DNAJC10: variants seen among roughly 807,000 people sequenced by gnomAD.
The protein encoded by DNAJC10 is endoplasmic reticulum disulfide reductase DNAJC10.
Under a neutral mutation model 115.0 loss-of-function variants are expected in DNAJC10, and 101 were observed. The observed-to-expected ratio is 0.88, with a 90% CI of 0.75 to 1.04. The LOEUF is 1.04. Ranked by LOEUF, DNAJC10 falls within the 50% of genes least tolerant of loss-of-function variation. DNAJC10 has a pLI of 0.00. For synonymous variants in DNAJC10, 307 were observed against 301.5 expected, an observed-to-expected ratio of 1.02 and a Z score of -0.19; for missense variants, 981 against 928.8, an observed-to-expected ratio of 1.06 and a Z score of -0.73.
Position 182,786,328 on chromosome 2 carries a change from ATTAC to A in DNAJC10, c.*9199_*9202del, listed in dbSNP as rs1694945021. 6.6e-6 allele frequency: 1 copy of A among 152,146 alleles called. No homozygotes were observed. Among genetic ancestry groups the A allele is most frequent in the Admixed American group, 6.6e-5 (1 of 15,264 alleles). The allele number at this position is 152,146 out of a possible 1,614,324, so 9.4% of individuals were successfully genotyped here. On this transcript the variant is annotated 3_prime_UTR_variant, in exon 24 of 24. Transcript: ENST00000264065. ...AATGGGTAGAATTCATTTTCTTTTC[ATTAC>A]TTCCTTTCAGCGTGGAGCCTGAGCA...
At chr2:182,743,996 A>C (rs1447046169) in intron 14 of DNAJC10, among the ~76,000 whole-genome samples, 1 of 152,200 alleles carries the variant, frequency 6.6e-6, no homozygotes, top group Non-Finnish European at 1.5e-5. Flanking sequence ...AAAGTAAGCA[A>C]CACCTGCAGT....
Position 182,744,595 on chromosome 2 carries a change from G to T in DNAJC10, c.1306+883G>T, listed in dbSNP as rs573233493. ...ACCTCTAGGCTGGAGGAACTTTGGG[G>T]TAAGATAACCCTCACAGTAACTACT... is the stretch of plus-strand genomic sequence containing the variant. On this transcript the variant is annotated intron_variant, in intron 14 of 23. Transcript: ENST00000264065. Among the ~76,000 whole-genome samples the T allele has an allele frequency of 2.0e-5, 3 of 152,246 alleles. No homozygotes were observed. In the East Asian group the frequency reaches 5.8e-4, roughly 29 times the overall value.
Position 182,781,428 on chromosome 2 carries a change from G to T in DNAJC10, c.*4296G>T, listed in dbSNP as rs1019816488. The T allele has an allele frequency of 5.3e-5, 8 of 152,120 alleles. No individual in the cohort carries two copies. The highest frequency in any genetic ancestry group is 1.0e-4 in the Non-Finnish European group (7 of 68,024). The allele number at this position is 152,120 out of a possible 1,614,324, so 9.4% of individuals were successfully genotyped here. ...GAATAGTGCTCCAATAAACATACGT[G>T]TGCATGTGTCTTTATAGTAAAATTA... On this transcript the variant is annotated 3_prime_UTR_variant, in exon 24 of 24. Coordinates refer to ENST00000264065, the MANE Select transcript of DNAJC10 (RefSeq NM_018981.4).
chr2:182,731,849 A>G (rs138032753), intron 9 of DNAJC10, among the ~76,000 whole-genome samples: 603 of 152,262 alleles, frequency 4.0e-3, no homozygotes, highest in Admixed American at 7.2e-3. Context: ...GTCAGCCTTA[A>G]ACTTAACTAA....
chr2:182,719,451 C>T (rs1693088597), intron 3 of DNAJC10, among the ~76,000 whole-genome samples: 1 of 151,718 alleles, frequency 6.6e-6, no homozygotes, highest in African/African-American at 2.4e-5. Context: ...AACGGGGCTT[C>T]ACCATGTTGG....
intron 18 of DNAJC10, among the ~76,000 whole-genome samples, chr2:182,757,221 G>A (rs1449872560): frequency 6.6e-6 from 1 of 152,084 alleles, no homozygotes; most frequent in East Asian, 1.9e-4. Context: ...TTGTTTACAA[G>A]ATAAAACACT....
chr2:182,741,468 C>T (rs971504337), intron 13 of DNAJC10, 112 bp downstream of exon 13: 4 of 518,356 alleles, frequency 7.7e-6, no homozygotes, highest in Non-Finnish European at 1.3e-5. Context: ...TTATAAGAAG[C>T]CTATAAGTGC....
intron 22 of DNAJC10, among the ~76,000 whole-genome samples, chr2:182,766,423 C>A (rs540976994): frequency 1.3e-5 from 2 of 152,128 alleles, no homozygotes; most frequent in Non-Finnish European, 2.9e-5. Context: ...TAGTAATGCC[C>A]TTCACATGTG....
At position 182,778,914 on chromosome 2, in the gene DNAJC10, A is replaced by G. The variant is rs1290002562; in HGVS notation, c.*1782A>G. ...ACTAAAATATACTGGTTATGTGCAT[A>G]TCACCACACTGGACACTGAGGAGTG... On this transcript the variant is annotated 3_prime_UTR_variant, in exon 24 of 24. Coordinates refer to ENST00000264065, the MANE Select transcript of DNAJC10 (RefSeq NM_018981.4). 1.3e-5 allele frequency: 2 copies of G among 152,236 alleles called. No individual in the cohort carries two copies. The highest frequency in any genetic ancestry group is 2.9e-5 in the Non-Finnish European group (2 of 68,052). The allele number at this position is 152,236 out of a possible 1,614,324, so 9.4% of individuals were successfully genotyped here. A position where few individuals can be genotyped will look rare whatever the true frequency, so the allele number is the denominator to read the frequency against.
chr2:182,730,949 G>A, intron 8 of DNAJC10, 81 bp from the exon 9 acceptor site: 1 of 952,932 alleles, frequency 1.0e-6, no homozygotes, highest in Non-Finnish European at 1.6e-6. Context: ...GATTAGAAAG[G>A]AAAAATTACT....
At chr2:182,749,032 A>T (rs947045809) in intron 14 of DNAJC10, among the ~76,000 whole-genome samples, 1 of 151,728 alleles carries the variant, frequency 6.6e-6, no homozygotes, top group South Asian at 2.1e-4. Context: ...AGTTTGTTAT[A>T]ATTTCTATTC....
At position 182,756,474 on chromosome 2, in the gene DNAJC10, A is replaced by G. The variant is rs762710965; in HGVS notation, c.1809+5A>G. On this transcript the variant is annotated splice_donor_5th_base_variant and intron_variant, in intron 18 of 23. Coordinates refer to ENST00000264065, the MANE Select transcript of DNAJC10 (RefSeq NM_018981.4). The stretch of plus-strand genomic sequence containing the variant: ...GAATGGAAAAGAATGGCCCGGGTAT[A>G]GTAAAAATAGTTTATTTTAAATCTT... The G allele has an allele frequency of 2.5e-6, 4 of 1,599,056 alleles. No individual in the cohort carries two copies. The African/African-American group carries it at 5.4e-5, about 22-fold the overall frequency.
At chr2:182,776,996 C>T in intron 23 of DNAJC10, 125 bp from the exon 24 acceptor site, 4 of 545,348 alleles carry the variant, frequency 7.3e-6, no homozygotes, top group East Asian at 3.2e-5. Flanking sequence ...TGTCATGATC[C>T]ATTAAATAAG....
chr2:182,736,889 A>G (rs1693598931), intron 11 of DNAJC10, among the ~76,000 whole-genome samples: 1 of 152,090 alleles, frequency 6.6e-6, no homozygotes, highest in African/African-American at 2.4e-5. Flanking sequence ...ACCTGGGATT[A>G]CAGGCGCCTG....
chr2:182,734,337 C>G (rs1199857001), intron 10 of DNAJC10, among the ~76,000 whole-genome samples: 1 of 150,944 alleles, frequency 6.6e-6, no homozygotes, highest in Non-Finnish European at 1.5e-5. Flanking sequence ...ATTTTTATTT[C>G]TCTTTGAATC....
intron 14 of DNAJC10, among the ~76,000 whole-genome samples, chr2:182,747,102 G>T (rs962961699): frequency 1.3e-5 from 2 of 151,934 alleles, no homozygotes; most frequent in African/African-American, 4.8e-5. Context: ...CTCTGTTTTG[G>T]TACCAGTACC....
At position 182,782,026 on chromosome 2, in the gene DNAJC10, C is replaced by A. The variant is rs1226112943; in HGVS notation, c.*4894C>A. ...TCTAGTCATGAAGTCTTTGCCCATGCCTATGTCCTGAATGGTGTTGCCTAG... is the reference window on the plus strand; with the variant it reads ...TCTAGTCATGAAGTCTTTGCCCATGACTATGTCCTGAATGGTGTTGCCTAG... On this transcript the variant is annotated 3_prime_UTR_variant, in exon 24 of 24. Coordinates refer to ENST00000264065, the MANE Select transcript of DNAJC10 (RefSeq NM_018981.4). 1 of 152,126 alleles carries A rather than the reference C, an allele frequency of 6.6e-6. No homozygotes were observed. The highest frequency in any genetic ancestry group is 2.4e-5 in the African/African-American group (1 of 41,414). The allele number at this position is 152,126 out of a possible 1,614,324, so 9.4% of individuals were successfully genotyped here.
At chr2:182,746,403 C>A (rs1345550582) in intron 14 of DNAJC10, among the ~76,000 whole-genome samples, 1 of 152,100 alleles carries the variant, frequency 6.6e-6, no homozygotes, top group Non-Finnish European at 1.5e-5. Flanking sequence ...CTGTTGTTTT[C>A]TGACTTTTTA....
rs867767470 is a variant in DNAJC10 at position 182,751,536 on chromosome 2, C to T, written c.1307-122C>T. ...TATAGTATACAGCACACTAAAACCT[C>T]ACCAAAATCAATTTGTTCATAATTT... is the stretch of plus-strand genomic sequence containing the variant. On this transcript the variant is annotated intron_variant, in intron 14 of 23. Transcript: ENST00000264065. 9.3e-6 allele frequency: 11 copies of T among 1,181,090 alleles called. No individual in the cohort carries two copies. In the Middle Eastern group the frequency reaches 2.1e-3, roughly 229 times the overall value. 73.2% of individuals were successfully genotyped at this position (1,181,090 alleles called of 1,614,324 possible).
Sources: gnomAD v4.1 joint callset for allele counts (sites outside exome capture counted in the v4.1 genomes callset) on GRCh38, gnomAD v4.1.1 for gene constraint, MANE v1.5 for transcripts, NCBI Gene and HGNC (gene_info 2026-07-23, HGNC 2026-07-21) for gene names.